UGT1A9: variants seen among roughly 807,000 people sequenced by gnomAD.
UGT1A9 encodes UDP glucuronosyltransferase family 1 member A9.
UGT1A9 carries 35 observed loss-of-function variants against 45.0 expected under a neutral mutation model. That is an observed-to-expected ratio of 0.78 (90% confidence interval 0.59 to 1.03). The LOEUF (loss-of-function observed/expected upper bound fraction) is 1.03. UGT1A9 is among the 50% of genes least tolerant of loss of function. The pLI is 0.00. For missense variants in UGT1A9, 687 were observed against 666.6 expected (o/e 1.03, Z -0.34); for synonymous variants, 278 against 250.6 (o/e 1.11, Z -1.03).
In UGT1A9 at chr2:233,772,302, G is replaced by A. The variant is rs1458644938; in HGVS notation, c.1336G>A (p.Asp446Asn). Residue 446 changes from aspartate to asparagine, a missense_variant, in exon 5 of 5, where the codon GAC becomes AAC. Physicochemically the swap from Asp to Asn is conservative, Grantham distance 23. Coordinates refer to ENST00000354728, the MANE Select transcript of UGT1A9 (RefSeq NM_021027.3). ...CATGCGCCTCTCCAGCCTTCACAAG[G>A]ACCGCCCGGTGGAGCCGCTGGACCT... ...NIMRLSSLHK[D>N]RPVEPLDLAV... 1 of 1,614,232 alleles carries A rather than the reference G, an allele frequency of 6.2e-7. No individual in the cohort carries two copies.
rs576733843 is a variant in UGT1A9 at position 233,754,931 on chromosome 2, G to A, written c.856-12103G>A. ...TATTCTCCAGCGGGTTTCCCAAGAG[G>A]TCAAAGGAGAATGGGTCCCGGCCGC... On this transcript the variant is annotated intron_variant, in intron 1 of 4. Transcript: ENST00000354728. 20 of 1,344,540 alleles carry A rather than the reference G, an allele frequency of 1.5e-5. No homozygotes were observed. The African/African-American group carries it at 2.2e-4, about 15-fold the overall frequency. The allele number at this position is 1,344,540 out of a possible 1,614,324, so 83.3% of individuals were successfully genotyped here. A position where few individuals can be genotyped will look rare whatever the true frequency, so the allele number is the denominator to read the frequency against.
intron 1 of UGT1A9, chr2:233,760,101 A>G (rs1697321956): frequency 2.6e-6 from 3 of 1,137,760 alleles, no homozygotes; most frequent in Admixed American, 5.6e-5. Context: ...GTTGTTGCCT[A>G]TTAAGAAACC....
rs138626513 is a variant in UGT1A9 at position 233,772,998 on chromosome 2, C to T, written c.*439C>T. 4.0e-5 allele frequency: 10 copies of T among 249,518 alleles called. No individual in the cohort carries two copies. The East Asian group carries it at 6.9e-4, about 17-fold the overall frequency. 15.5% of individuals were successfully genotyped at this position (249,518 alleles called of 1,614,324 possible). On this transcript the variant is annotated 3_prime_UTR_variant, in exon 5 of 5. Coordinates refer to ENST00000354728, the MANE Select transcript of UGT1A9 (RefSeq NM_021027.3). ...AATAATGGTCAGTCCTCATCTCTGT[C>T]GTGCTTCATAGGTGCCACCTTGTGT...
At chr2:233,737,360 A>G (rs540165116) in intron 1 of UGT1A9, among the ~76,000 whole-genome samples, 5 of 152,246 alleles carry the variant, frequency 3.3e-5, no homozygotes, top group Admixed American at 6.5e-5. Flanking sequence ...GGAGCTGCTA[A>G]GCCAGGCAGG....
chr2:233,746,992 G>A (rs1559391678), intron 1 of UGT1A9, among the ~76,000 whole-genome samples: 2 of 151,858 alleles, frequency 1.3e-5, no homozygotes, highest in Non-Finnish European at 2.9e-5. Context: ...AGGGTCAGAT[G>A]AGTTTTTCAA....
At chr2:233,755,578 G>A (rs931050095) in intron 1 of UGT1A9, 38 of 160,002 alleles carry the variant, frequency 2.4e-4, no homozygotes, top group Non-Finnish European at 4.7e-4. Flanking sequence ...GGAAAAGAGA[G>A]GGCCTTGACT....
At chr2:233,682,051 G>T (rs200190624) in intron 1 of UGT1A9, 1 of 1,614,102 alleles carries the variant, frequency 6.2e-7, no homozygotes. Context: ...GGAGCCACTG[G>T]TTCACCATGC....
At position 233,769,321 on chromosome 2, in the gene UGT1A9, T is replaced by C. The variant is rs571873884; in HGVS notation, c.1295+882T>C. Among the ~76,000 whole-genome samples, 2 of 152,374 alleles carry C rather than the reference T, an allele frequency of 1.3e-5. No individual in the cohort carries two copies. The highest frequency in any genetic ancestry group is 4.1e-4 in the South Asian group (2 of 4,830). ...AGTATATTACTGTCAAGCTCACTGG[T>C]AATAGGCTTATTAGAACCTTATGGG... On this transcript the variant is annotated intron_variant, in intron 4 of 4. Coordinates refer to ENST00000354728, the MANE Select transcript of UGT1A9 (RefSeq NM_021027.3). The surrounding 1 kb of genome is among the most constrained non-coding windows in gnomAD (Gnocchi z 4.4).
At chr2:233,767,255 G>C in intron 2 of UGT1A9, 90 bp downstream of exon 2, 1 of 1,596,760 alleles carries the variant, frequency 6.3e-7, no homozygotes, top group Non-Finnish European at 8.5e-7. Flanking sequence ...CTCTTAATTG[G>C]AACCTTAGAT....
At chr2:233,692,282 T>G (rs1389646454) in intron 1 of UGT1A9, 1 of 152,456 alleles carries the variant, frequency 6.6e-6, no homozygotes, top group Non-Finnish European at 1.5e-5. Flanking sequence ...CCTCTGGCTA[T>G]TCATCCGTAT....
chr2:233,692,100 T>G (rs2075078223), intron 1 of UGT1A9: 1 of 152,182 alleles, frequency 6.6e-6, no homozygotes, highest in African/African-American at 2.4e-5. Flanking sequence ...TGATCACCGA[T>G]GGGCAACAAT....
At chr2:233,697,073 C>A (rs1315770045) in intron 1 of UGT1A9, among the ~76,000 whole-genome samples, 1 of 151,822 alleles carries the variant, frequency 6.6e-6, no homozygotes, top group Non-Finnish European at 1.5e-5. Flanking sequence ...GTTTTGGTAT[C>A]AGGGTAACAC....
chr2:233,759,602 C>T (rs1283516103), intron 1 of UGT1A9, among the ~76,000 whole-genome samples: 2 of 135,262 alleles, frequency 1.5e-5, no homozygotes, highest in African/African-American at 5.3e-5. Flanking sequence ...ACCCCCGACC[C>T]GCCCCACCCA....
intron 1 of UGT1A9, chr2:233,690,841 G>T: frequency 9.4e-7 from 1 of 1,069,274 alleles, no homozygotes; most frequent in South Asian, 2.9e-5. Context: ...AAAGAAAAAT[G>T]TTTTCTAATA....
intron 1 of UGT1A9, among the ~76,000 whole-genome samples, chr2:233,714,816 G>C: frequency 6.6e-6 from 1 of 152,208 alleles, no homozygotes; most frequent in Non-Finnish European, 1.5e-5. Context: ...TATGTAGTTA[G>C]TGACAACAAT....
intron 1 of UGT1A9, chr2:233,760,589 A>T: frequency 6.2e-7 from 1 of 1,614,196 alleles, no homozygotes; most frequent in South Asian, 1.1e-5. Flanking sequence ...AATGTTTTTG[A>T]GAATGATTCT....
chr2:233,673,048 G>T (rs2074249106), intron 1 of UGT1A9, among the ~76,000 whole-genome samples: 1 of 152,112 alleles, frequency 6.6e-6, no homozygotes, highest in South Asian at 2.1e-4. Flanking sequence ...GTTTAGAAAA[G>T]TACCAAAAAC....
At chr2:233,730,985 T>C (rs766907684) in intron 1 of UGT1A9, among the ~76,000 whole-genome samples, 61 of 152,340 alleles carry the variant, frequency 4.0e-4, no homozygotes, top group Admixed American at 5.9e-4. Flanking sequence ...TATTGTTTCT[T>C]ATTCCTTGCT....
At chr2:233,757,676 T>G (rs986940319) in intron 1 of UGT1A9, among the ~76,000 whole-genome samples, 1 of 151,088 alleles carries the variant, frequency 6.6e-6, no homozygotes, top group African/African-American at 2.4e-5. Flanking sequence ...ATTCAAGGAA[T>G]TCAAGGGATT....
Sources: allele counts gnomAD v4.1 joint callset (sites outside exome capture counted in the v4.1 genomes callset), GRCh38; gene constraint gnomAD v4.1.1; non-coding constraint Gnocchi (gnomAD v3.1); transcripts MANE v1.5; gene names NCBI Gene and HGNC (gene_info 2026-07-23, HGNC 2026-07-21).